Variants in SYNE2 observed in about 807,000 individuals in gnomAD.
SYNE2 encodes spectrin repeat containing nuclear envelope protein 2, also known as nesprin-2.
In SYNE2, 431 loss-of-function variants were observed where a neutral mutation model predicts 856.3. The ratio of observed to expected loss-of-function variants is 0.50; its 90% CI spans 0.47 to 0.55. The LOEUF (loss-of-function observed/expected upper bound fraction) is 0.55. Ranked by LOEUF, SYNE2 falls within the 20% of genes least tolerant of loss-of-function variation. The probability of loss-of-function intolerance (pLI) is 0.00; values close to 1 mark genes in which losing one functional copy is unlikely to be tolerated. For synonymous variants in SYNE2, 2,923 were observed against 2,872.3 expected, an observed-to-expected ratio of 1.02 and a Z score of -0.56; for missense variants, 8,129 against 8,023.2, an observed-to-expected ratio of 1.01 and a Z score of -0.50.
At chr14:64,085,610 G>T (rs572883474) in intron 57 of SYNE2, among the ~76,000 whole-genome samples, 2 of 152,236 alleles carry the variant, frequency 1.3e-5, no homozygotes, top group East Asian at 3.9e-4. Flanking sequence ...TTCCAAAATG[G>T]CTGTATCATT....
At chr14:64,176,958 C>T (rs1170622101) in intron 95 of SYNE2, among the ~76,000 whole-genome samples, 1 of 152,048 alleles carries the variant, frequency 6.6e-6, no homozygotes, top group East Asian at 1.9e-4. Context: ...CCACCACACC[C>T]AGCTAATTTT....
intron 11 of SYNE2, among the ~76,000 whole-genome samples, chr14:63,970,688 C>T (rs2096463669): frequency 9.4e-6 from 1 of 106,818 alleles, no homozygotes; most frequent in Non-Finnish European, 1.7e-5. Flanking sequence ...TAGTCTCTCT[C>T]TGTCTCCTGG....
intron 1 of SYNE2, among the ~76,000 whole-genome samples, chr14:63,879,937 A>G (rs920097315): frequency 2.0e-5 from 3 of 152,234 alleles, no homozygotes; most frequent in Non-Finnish European, 4.4e-5. Flanking sequence ...TAGTCTTTTC[A>G]TTAACCACAA....
intron 1 of SYNE2, among the ~76,000 whole-genome samples, chr14:63,862,793 T>TTTTTG (rs1330785524): frequency 6.6e-6 from 1 of 151,850 alleles, no homozygotes; most frequent in African/African-American, 2.4e-5. Flanking sequence ...TTTTGTTTTT[T>TTTTTG]TTTTGTTTTG....
In SYNE2 at chr14:63,937,429, G is replaced by A. The variant is rs373929580; in HGVS notation, c.80-3185G>A. Among the ~76,000 whole-genome samples the A allele has an allele frequency of 8.9e-4, 135 of 152,342 alleles. 5 individuals are homozygous for A. In the South Asian group the frequency reaches 0.027, roughly 30 times the overall value. On this transcript the variant is annotated intron_variant, in intron 2 of 115. Coordinates refer to ENST00000555002, the MANE Select transcript of SYNE2 (RefSeq NM_182914.3). ...CAGAATGTTCTTGCGTTGGAGCACA[G>A]GGATGGGATATAGTGTACAAGTGAA...
Position 63,949,975 on chromosome 14 carries a change from C to A in SYNE2, c.559C>A (p.Leu187Ile). 1 of 1,614,120 alleles carries A rather than the reference C, an allele frequency of 6.2e-7. No individual in the cohort carries two copies. Among genetic ancestry groups the A allele is most frequent in the African/African-American group, 1.3e-5 (1 of 75,034 alleles). ...ATGGCAAATGTCTGCAAGAAAGGCC[C>A]TTCTTTTGTGGGCTCAGGAACAATG... Reference protein sequence around the residue: ...ARWQMSARKALLLWAQEQCAT... With the variant: ...ARWQMSARKAILLWAQEQCAT... The change falls in exon 7 of 116, where the codon CTT becomes ATT. Residue 187 changes from leucine to isoleucine, a missense_variant. Transcript: ENST00000555002.
At chr14:64,097,730 G>A (rs2097688714) in intron 61 of SYNE2, among the ~76,000 whole-genome samples, 2 of 152,236 alleles carry the variant, frequency 1.3e-5, no homozygotes, top group South Asian at 4.1e-4. Flanking sequence ...AAGGTCTCTG[G>A]TAAGGCTGAG....
intron 96 of SYNE2, among the ~76,000 whole-genome samples, chr14:64,182,917 G>T (rs1307814204): frequency 1.3e-5 from 2 of 152,240 alleles, no homozygotes; most frequent in Non-Finnish European, 2.9e-5. Flanking sequence ...CCTAGACGGG[G>T]TGACGGCTGG....
chr14:63,846,195 C>A (rs149566700), intron 1 of SYNE2, among the ~76,000 whole-genome samples: 1 of 151,778 alleles, frequency 6.6e-6, no homozygotes, highest in African/African-American at 2.4e-5. Context: ...ACCTCAGGCA[C>A]GCACCATTAT....
At chr14:64,110,366 G>C (rs1192186899) in intron 65 of SYNE2, among the ~76,000 whole-genome samples, 1 of 152,044 alleles carries the variant, frequency 6.6e-6, no homozygotes, top group Non-Finnish European at 1.5e-5. Context: ...AAGTTAACTT[G>C]GATACTAAAA....
At position 63,919,972 on chromosome 14, in the gene SYNE2, G is replaced by GTTTTTTTTTTTTTTTTTTTT. The variant is rs10673123; in HGVS notation, c.79+10764_79+10765insTTTTTTTTTTTTTTTTTTTT. Among the ~76,000 whole-genome samples the GTTTTTTTTTTTTTTTTTTTT allele has an allele frequency of 3.3e-3, 363 of 110,508 alleles. 18 individuals are homozygous for GTTTTTTTTTTTTTTTTTTTT. Among genetic ancestry groups the GTTTTTTTTTTTTTTTTTTTT allele is most frequent in the South Asian group, 5.4e-3 (16 of 2,958 alleles). 72.5% of individuals were successfully genotyped at this position (110,508 alleles called of 152,430 possible). A position where few individuals can be genotyped will look rare whatever the true frequency, so the allele number is the denominator to read the frequency against. ...ATATCAGGCACATGATAAAAGGTAA[G>GTTTTTTTTTTTTTTTTTTTT]TTTTTTTTTTTTTTTTTTTAAGGTA... On this transcript the variant is annotated intron_variant, in intron 2 of 115. Transcript: ENST00000555002.
At chr14:64,093,571 T>C in intron 61 of SYNE2, 91 bp downstream of exon 61, 1 of 1,436,612 alleles carries the variant, frequency 7.0e-7, no homozygotes, top group Non-Finnish European at 9.8e-7. Flanking sequence ...TAGGAGCCTT[T>C]CTAGTGGTGC....
At chr14:64,177,562 C>A in intron 96 of SYNE2, 79 bp downstream of exon 96, 1 of 1,576,608 alleles carries the variant, frequency 6.3e-7, no homozygotes. Flanking sequence ...TTGCCTCTTT[C>A]TGTATTGAAA....
chr14:64,022,389 A>G (rs1403025741), intron 37 of SYNE2, among the ~76,000 whole-genome samples: 3 of 152,130 alleles, frequency 2.0e-5, no homozygotes, highest in African/African-American at 7.2e-5. Flanking sequence ...ATACACTACA[A>G]TTATTTGATG....
chr14:63,801,603 C>T (rs1888133250), intron 1 of SYNE2, among the ~76,000 whole-genome samples: 2 of 151,962 alleles, frequency 1.3e-5, no homozygotes, highest in African/African-American at 2.4e-5. Flanking sequence ...CACTTGAACC[C>T]GGGAGGCAGA....
rs199771856 is a variant in SYNE2 at position 64,052,511 on chromosome 14, G to A, written c.8598G>A (p.Thr2866=). ...LIIPRVETAA[T]EAELKHHHVT... is the part of the protein sequence containing the mutation. ...TTCCCAGGGTGGAGACAGCTGCCACGGAAGCTGAACTAAAACATCACCATG... is the reference window on the plus strand; with the variant it reads ...TTCCCAGGGTGGAGACAGCTGCCACAGAAGCTGAACTAAAACATCACCATG... The change falls in exon 48 of 116, where the codon ACG becomes ACA. Residue 2866 remains threonine, a synonymous_variant. Coordinates refer to ENST00000555002, the MANE Select transcript of SYNE2 (RefSeq NM_182914.3). 4.6e-5 allele frequency: 74 copies of A among 1,613,940 alleles called. No homozygotes were observed. The highest frequency in any genetic ancestry group is 1.3e-4 in the East Asian group (6 of 44,886).
chr14:64,209,056 G>C (rs1230095275), intron 101 of SYNE2, 111 bp downstream of exon 101: 2 of 1,359,656 alleles, frequency 1.5e-6, no homozygotes, highest in Non-Finnish European at 2.0e-6. Flanking sequence ...AAATGCGCCA[G>C]GTATTGGCAG....
At chr14:63,990,830 G>C in intron 20 of SYNE2, 112 bp from the exon 21 acceptor site, 1 of 891,618 alleles carries the variant, frequency 1.1e-6, no homozygotes, top group Non-Finnish European at 1.8e-6. Context: ...TCATAATTTA[G>C]ATAGATATCT....
chr14:64,000,841 A>G (rs1324803790), intron 28 of SYNE2, 122 bp downstream of exon 28: 6 of 858,636 alleles, frequency 7.0e-6, no homozygotes, highest in South Asian at 1.6e-5. Context: ...CAACAACAGT[A>G]AGAGAGGCTA....
Sources: gnomAD v4.1 joint callset for allele counts (sites outside exome capture counted in the v4.1 genomes callset) on GRCh38, gnomAD v4.1.1 for gene constraint, MANE v1.5 for transcripts, NCBI Gene and HGNC (gene_info 2026-07-23, HGNC 2026-07-21) for gene names.